Variants in CGNL1 observed in about 807,000 individuals in gnomAD.
CGNL1 encodes cingulin-like protein 1.
CGNL1 carries 132 observed loss-of-function variants against 141.2 expected under a neutral mutation model. That is an observed-to-expected ratio of 0.93 (90% CI 0.81 to 1.08). The LOEUF is 1.08. CGNL1 is among the 50% of genes least tolerant of loss of function. CGNL1 has a pLI of 0.00. For synonymous variants in CGNL1, 690 were observed against 622.1 expected, an observed-to-expected ratio of 1.11 and a Z score of -1.63; for missense variants, 1,870 against 1,588.6, an observed-to-expected ratio of 1.18 and a Z score of -3.01.
chr15:57,545,000 A>G (rs544525429), intron 16 of CGNL1, among the ~76,000 whole-genome samples: 74 of 152,340 alleles, frequency 4.9e-4, no homozygotes, highest in Middle Eastern at 3.4e-3. Flanking sequence ...GAGGCTGACT[A>G]GCCACCAGTC....
chr15:57,457,359 C>T (rs1284165109), intron 7 of CGNL1, among the ~76,000 whole-genome samples: 2 of 152,192 alleles, frequency 1.3e-5, no homozygotes, highest in Non-Finnish European at 2.9e-5. Flanking sequence ...TGCAGAACAG[C>T]TGGTCTCATA....
chr15:57,425,224 C>T (rs188312427), intron 1 of CGNL1, among the ~76,000 whole-genome samples: 237 of 152,160 alleles, frequency 1.6e-3, no homozygotes, highest in Non-Finnish European at 2.8e-3. Flanking sequence ...ATAGGCTGGG[C>T]GTGGTGGCTC....
At chr15:57,390,423 C>T (rs1157265342) in intron 1 of CGNL1, among the ~76,000 whole-genome samples, 1 of 152,174 alleles carries the variant, frequency 6.6e-6, no homozygotes, top group African/African-American at 2.4e-5. Context: ...TTCCCTTGGC[C>T]AACACAAATT....
Position 57,518,643 on chromosome 15 carries a change from T to C in CGNL1, c.2715+146T>C, listed in dbSNP as rs957000915. The C allele has an allele frequency of 7.8e-6, 5 of 641,334 alleles. No homozygotes were observed. The African/African-American group carries it at 9.2e-5, about 12-fold the overall frequency. 39.7% of individuals were successfully genotyped at this position (641,334 alleles called of 1,614,324 possible). ...AATAACCACTCAGTTATTTGAACTATCCGTCTAGACCAGCGATTCTCAACT... is the reference window on the plus strand; with the variant it reads ...AATAACCACTCAGTTATTTGAACTACCCGTCTAGACCAGCGATTCTCAACT... On this transcript the variant is annotated intron_variant, in intron 10 of 18. Transcript: ENST00000281282.
At chr15:57,521,760 C>A (rs571498142) in intron 10 of CGNL1, among the ~76,000 whole-genome samples, 1 of 152,092 alleles carries the variant, frequency 6.6e-6, no homozygotes, top group Admixed American at 6.5e-5. Flanking sequence ...CATGCACGAA[C>A]CACATGGAGG....
At chr15:57,384,457 G>A (rs2062460449) in intron 1 of CGNL1, among the ~76,000 whole-genome samples, 1 of 152,148 alleles carries the variant, frequency 6.6e-6, no homozygotes, top group Non-Finnish European at 1.5e-5. Flanking sequence ...CTGAAATCCA[G>A]GGTTGAAACC....
chr15:57,447,533 G>A (rs1446868292), intron 4 of CGNL1, among the ~76,000 whole-genome samples: 4 of 151,978 alleles, frequency 2.6e-5, no homozygotes, highest in African/African-American at 9.7e-5. Context: ...TTTCCCTCTG[G>A]GTGCTTTTAA....
At chr15:57,377,119 C>A (rs989523146) in intron 1 of CGNL1, 1 of 152,258 alleles carries the variant, frequency 6.6e-6, no homozygotes, top group African/African-American at 2.4e-5. Flanking sequence ...CATTCTAGCT[C>A]TCCCCGGGAC....
chr15:57,461,413 A>C (rs2063444647), intron 7 of CGNL1, among the ~76,000 whole-genome samples: 1 of 152,192 alleles, frequency 6.6e-6, no homozygotes, highest in Admixed American at 6.5e-5. Flanking sequence ...CAAAGCAGTG[A>C]AATTTACATT....
Position 57,439,554 on chromosome 15 carries a change from G to A in CGNL1, c.1555G>A (p.Ala519Thr). 1.2e-6 allele frequency: 2 copies of A among 1,614,018 alleles called. No homozygotes were observed. Among genetic ancestry groups the A allele is most frequent in the South Asian group, 2.2e-5 (2 of 91,070 alleles). Residue 519 changes from alanine to threonine, a missense_variant, in exon 2 of 19, where the codon GCC (alanine) becomes ACC (threonine). Ala to Thr is a moderately conservative substitution (Grantham distance 58). Transcript: ENST00000281282. Reference protein sequence around the residue: ...RATATSPDSGAKKISVKTFPS... With the variant: ...RATATSPDSGTKKISVKTFPS... ...AACAGCAACTTCGCCTGATTCTGGTGCCAAGAAAATTTCCGTGAAGACATT... is the reference window on the plus strand; with the variant it reads ...AACAGCAACTTCGCCTGATTCTGGTACCAAGAAAATTTCCGTGAAGACATT...
chr15:57,404,030 T>C (rs2062688277), intron 1 of CGNL1, among the ~76,000 whole-genome samples: 1 of 152,262 alleles, frequency 6.6e-6, no homozygotes, highest in South Asian at 2.1e-4. Flanking sequence ...GTGTCAGACT[T>C]GACTTTCCAA....
chr15:57,489,215 A>G (rs1369723335), intron 8 of CGNL1, among the ~76,000 whole-genome samples: 3 of 152,226 alleles, frequency 2.0e-5, no homozygotes, highest in Non-Finnish European at 4.4e-5. Context: ...CATATCACTG[A>G]ATGTAGGAAA....
chr15:57,547,616 C>G lies in CGNL1; in HGVS notation c.*126C>G, dbSNP rs569633667. On this transcript the variant is annotated 3_prime_UTR_variant, in exon 19 of 19. Transcript: ENST00000281282. ...ATCACAGCCTCTTTGCACAGCATGCCAGCTCCTCAGTGTTACATTCCTCGC... is the reference window on the plus strand; with the variant it reads ...ATCACAGCCTCTTTGCACAGCATGCGAGCTCCTCAGTGTTACATTCCTCGC... The G allele has an allele frequency of 1.7e-5, 18 of 1,080,342 alleles. 1 individual carries two copies. The Admixed American group carries it at 3.7e-4, about 23-fold the overall frequency. 66.9% of individuals were successfully genotyped at this position (1,080,342 alleles called of 1,614,324 possible). A position where few individuals can be genotyped will look rare whatever the true frequency, so the allele number is the denominator to read the frequency against.
chr15:57,477,590 C>G (rs1169659029), intron 8 of CGNL1: 1 of 152,232 alleles, frequency 6.6e-6, no homozygotes, highest in Non-Finnish European at 1.5e-5. Context: ...CTCATGCTCT[C>G]TGATTTACAG....
In CGNL1 at chr15:57,465,634, G is replaced by A. The variant is rs140213197; in HGVS notation, c.2403+3742G>A. 4.0e-5 allele frequency among the ~76,000 whole-genome samples: 6 copies of A among 149,824 alleles called. No individual in the cohort carries two copies. The East Asian group carries it at 5.9e-4, about 15-fold the overall frequency. On this transcript the variant is annotated intron_variant, in intron 8 of 18. Transcript: ENST00000281282. Reference sequence around the variant, plus strand: ...TCAAACCCCTGACCTCAGGGGATCCGTCAGCTTCAACCTCCCCAAAAAAAA... The same window carrying A: ...TCAAACCCCTGACCTCAGGGGATCCATCAGCTTCAACCTCCCCAAAAAAAA...
intron 1 of CGNL1, among the ~76,000 whole-genome samples, chr15:57,410,162 A>G (rs760978704): frequency 6.6e-6 from 1 of 152,214 alleles, no homozygotes; most frequent in Non-Finnish European, 1.5e-5. Context: ...GAAAGGAGGC[A>G]AGAGAGGACT....
At chr15:57,481,103 T>A (rs543602609) in intron 8 of CGNL1, among the ~76,000 whole-genome samples, 100 of 146,354 alleles carry the variant, frequency 6.8e-4, no homozygotes, top group African/African-American at 2.3e-3. Context: ...GGGCAAAGTT[T>A]AAAAAAGAAT....
chr15:57,442,214 A>G (rs1374741905), intron 3 of CGNL1, among the ~76,000 whole-genome samples, 159 bp from the exon 4 acceptor site: 2 of 145,068 alleles, frequency 1.4e-5, no homozygotes, highest in Non-Finnish European at 3.0e-5. Context: ...GACACCATCC[A>G]TCCTACTCTC....
rs140110830 is a variant in CGNL1 at position 57,473,641 on chromosome 15, A to T, written c.2403+11749A>T. 7.2e-5 allele frequency among the ~76,000 whole-genome samples: 11 copies of T among 152,178 alleles called. No individual in the cohort carries two copies. The South Asian group carries it at 1.5e-3, about 20-fold the overall frequency. ...CATGTGGCTTCCTCCTTGCTTTCTC[A>T]TGGATCTCTTGCTGTGGAGGAAGCC... is the stretch of plus-strand genomic sequence containing the variant. On this transcript the variant is annotated intron_variant, in intron 8 of 18. Coordinates refer to ENST00000281282, the MANE Select transcript of CGNL1 (RefSeq NM_032866.5).
Sources: gnomAD v4.1 joint callset for allele counts (sites outside exome capture counted in the v4.1 genomes callset) on GRCh38, gnomAD v4.1.1 for gene constraint, MANE v1.5 for transcripts, NCBI Gene and HGNC (gene_info 2026-07-23, HGNC 2026-07-21) for gene names.